The following DCP1A variants were observed in gnomAD, a reference collection of about 807,000 sequenced individuals.
DCP1A encodes the protein decapping mRNA 1A.
In DCP1A, 20 loss-of-function variants were observed where a neutral mutation model predicts 58.0. That is an observed-to-expected ratio of 0.34 (90% confidence interval 0.24 to 0.50). The LOEUF (loss-of-function observed/expected upper bound fraction) is 0.50. Among genes scored for constraint, DCP1A ranks in the 20% least tolerant of loss-of-function variants. The pLI is 0.98. For synonymous variants in DCP1A, 285 were observed against 275.1 expected, an observed-to-expected ratio of 1.04 and a Z score of -0.36; for missense variants, 613 against 712.2, an observed-to-expected ratio of 0.86 and a Z score of 1.59.
intron 5 of DCP1A, among the ~76,000 whole-genome samples, chr3:53,306,071 T>C (rs1553688016): frequency 6.6e-6 from 1 of 152,202 alleles, no homozygotes; most frequent in African/African-American, 2.4e-5. Flanking sequence ...AAAGCAGCCC[T>C]AAACTCAGTT....
intron 4 of DCP1A, among the ~76,000 whole-genome samples, chr3:53,317,253 G>C (rs1336009112): frequency 3.3e-5 from 5 of 152,226 alleles, no homozygotes; most frequent in Admixed American, 6.5e-5. Flanking sequence ...GCAACCTCCA[G>C]CTTCCGGGTT....
intron 6 of DCP1A, among the ~76,000 whole-genome samples, chr3:53,299,430 C>T (rs1457544115): frequency 6.6e-6 from 1 of 152,168 alleles, no homozygotes; most frequent in Non-Finnish European, 1.5e-5. Context: ...ATTCAGCGAG[C>T]AACAGCATGT....
At chr3:53,287,684 G>T in intron 9 of DCP1A, 24 bp from the exon 10 acceptor site, 1 of 1,527,226 alleles carries the variant, frequency 6.5e-7, no homozygotes, top group Non-Finnish European at 9.1e-7. Context: ...TAAAGGTTAA[G>T]GATACGAATG....
chr3:53,333,662 T>C (rs2089057338), intron 3 of DCP1A, among the ~76,000 whole-genome samples: 1 of 152,134 alleles, frequency 6.6e-6, no homozygotes, highest in Admixed American at 6.5e-5. Context: ...TTGTCTGCTT[T>C]ATCTGTCAAT....
At chr3:53,322,212 G>A (rs1384779477) in intron 3 of DCP1A, among the ~76,000 whole-genome samples, 1 of 152,090 alleles carries the variant, frequency 6.6e-6, no homozygotes, top group East Asian at 1.9e-4. Flanking sequence ...TGGCACCCTG[G>A]AAGGCCAAGG....
intron 5 of DCP1A, among the ~76,000 whole-genome samples, chr3:53,306,773 A>G (rs1472088326): frequency 3.4e-5 from 5 of 148,572 alleles, no homozygotes; most frequent in Non-Finnish European, 7.5e-5. Context: ...TCCGTCTCAA[A>G]AAAAAAAAAA....
At chr3:53,343,700 C>T (rs782201129) in intron 2 of DCP1A, among the ~76,000 whole-genome samples, 2 of 152,224 alleles carry the variant, frequency 1.3e-5, no homozygotes, top group African/African-American at 2.4e-5. Flanking sequence ...CAAGCTCCGC[C>T]TCCTGGGTTC....
chr3:53,320,479 T>C (rs1707931601), intron 3 of DCP1A, among the ~76,000 whole-genome samples: 1 of 152,218 alleles, frequency 6.6e-6, no homozygotes, highest in Non-Finnish European at 1.5e-5. Flanking sequence ...CACCTCAGCA[T>C]ACCTTGTACC....
At chr3:53,299,460 T>C (rs1289200021) in intron 6 of DCP1A, among the ~76,000 whole-genome samples, 13 of 152,200 alleles carry the variant, frequency 8.5e-5, no homozygotes, top group Admixed American at 8.5e-4. Flanking sequence ...GACAAAATTA[T>C]CATCTTCAGC....
intron 3 of DCP1A, among the ~76,000 whole-genome samples, chr3:53,339,187 T>C (rs2089164253): frequency 6.6e-6 from 1 of 152,160 alleles, no homozygotes; most frequent in Non-Finnish European, 1.5e-5. Flanking sequence ...TAAGACTATG[T>C]AGACAAAACA....
At chr3:53,331,680 T>C (rs1387039905) in intron 3 of DCP1A, among the ~76,000 whole-genome samples, 2 of 152,228 alleles carry the variant, frequency 1.3e-5, no homozygotes, top group Non-Finnish European at 2.9e-5. Flanking sequence ...ACTTTATTAT[T>C]GATTCACATG....
intron 6 of DCP1A, among the ~76,000 whole-genome samples, chr3:53,298,798 A>G (rs1373635395): frequency 6.6e-6 from 1 of 152,244 alleles, no homozygotes; most frequent in Non-Finnish European, 1.5e-5. Context: ...ATTTGGCACA[A>G]ACCATGTTTT....
rs1457033067 is a variant in DCP1A, at chr3:53,286,745, T to G, written c.*835A>C. ...AAGTGTTAAGGAAAACAATCAACAA[T>G]GACAGAAAAGGAAAATAAGGCTGTG... On this transcript the variant is annotated 3_prime_UTR_variant, in exon 10 of 10. Coordinates refer to ENST00000610213, the MANE Select transcript of DCP1A (RefSeq NM_018403.7). The G allele has an allele frequency of 6.6e-6, 1 of 152,180 alleles. No individual in the cohort carries two copies. Among genetic ancestry groups the G allele is most frequent in the Non-Finnish European group, 1.5e-5 (1 of 68,040 alleles). The allele number at this position is 152,180 out of a possible 1,614,324, so 9.4% of individuals were successfully genotyped here. A position where few individuals can be genotyped will look rare whatever the true frequency, so the allele number is the denominator to read the frequency against.
chr3:53,347,366 G>A lies in DCP1A; in HGVS notation c.135+17C>T, dbSNP rs782138274. Reference sequence around the variant, plus strand: ...GCAGCGGCCGGGTGGCCGTCCTCAGGGCCAGGCGGCACTCACCCACTGGTT... The same window carrying A: ...GCAGCGGCCGGGTGGCCGTCCTCAGAGCCAGGCGGCACTCACCCACTGGTT... On this transcript the variant is annotated intron_variant, in intron 1 of 9. Transcript: ENST00000610213. 1.3e-6 allele frequency: 2 copies of A among 1,565,734 alleles called. No homozygotes were observed. The highest frequency in any genetic ancestry group is 1.4e-5 in the African/African-American group (1 of 72,640).
chr3:53,300,703 A>T (rs1707285656), intron 6 of DCP1A, among the ~76,000 whole-genome samples: 1 of 152,090 alleles, frequency 6.6e-6, no homozygotes, highest in Admixed American at 6.5e-5. Context: ...GCTGGAGTGC[A>T]GTGGTGCGAT....
Position 53,287,473 on chromosome 3 carries a change from G to T in DCP1A, c.*107C>A. The T allele has an allele frequency of 1.5e-6, 1 of 676,398 alleles. No homozygotes were observed. The allele number at this position is 676,398 out of a possible 1,614,324, so 41.9% of individuals were successfully genotyped here. ...TAAGAAATGAGTCTCTTTCTCATAG[G>T]CTCAATTTCAGGATTCTCAAACTCA... On this transcript the variant is annotated 3_prime_UTR_variant, in exon 10 of 10. Coordinates refer to ENST00000610213, the MANE Select transcript of DCP1A (RefSeq NM_018403.7).
At chr3:53,317,445 G>A (rs1408257922) in intron 4 of DCP1A, among the ~76,000 whole-genome samples, 2 of 152,192 alleles carry the variant, frequency 1.3e-5, no homozygotes, top group East Asian at 1.9e-4. Context: ...GATTACAGGC[G>A]TGAGCCACCG....
At chr3:53,346,344 G>C (rs927246053) in intron 1 of DCP1A, among the ~76,000 whole-genome samples, 1 of 152,052 alleles carries the variant, frequency 6.6e-6, no homozygotes, top group Non-Finnish European at 1.5e-5. Flanking sequence ...AATGATTTTC[G>C]ATAAATTACT....
At chr3:53,320,734 G>C (rs1297638008) in intron 3 of DCP1A, among the ~76,000 whole-genome samples, 1 of 152,132 alleles carries the variant, frequency 6.6e-6, no homozygotes, top group Non-Finnish European at 1.5e-5. Context: ...ATGGCCACCA[G>C]GATACCTGGT....
Sources: gnomAD v4.1 joint callset for allele counts (sites outside exome capture counted in the v4.1 genomes callset) on GRCh38, gnomAD v4.1.1 for gene constraint, MANE v1.5 for transcripts, NCBI Gene and HGNC (gene_info 2026-07-23, HGNC 2026-07-21) for gene names.